Variants in CTNND2 observed in about 807,000 individuals in gnomAD.
The protein encoded by CTNND2 is catenin delta-2.
A neutral mutation model predicts 144.4 loss-of-function variants in CTNND2; 22 were observed. That is an observed-to-expected ratio of 0.15 (90% confidence interval 0.11 to 0.22). The LOEUF is 0.22. Ranked by LOEUF, CTNND2 falls within the 10% of genes least tolerant of loss-of-function variation. The pLI is 1.00. For missense variants in CTNND2, 1,353 were observed against 1,618.8 expected (o/e 0.84, Z 2.82); for synonymous variants, 751 against 695.6 (o/e 1.08, Z -1.25).
chr5:11,215,568 G>C (rs1220333115), intron 10 of CTNND2, among the ~76,000 whole-genome samples: 1 of 152,144 alleles, frequency 6.6e-6, no homozygotes, highest in Non-Finnish European at 1.5e-5. Context: ...AAATGAACTT[G>C]GGTTAAATAG....
At chr5:11,303,864 T>C (rs959418101) in intron 9 of CTNND2, among the ~76,000 whole-genome samples, 2 of 152,154 alleles carry the variant, frequency 1.3e-5, no homozygotes, top group Admixed American at 6.5e-5. Context: ...AATTCCCACA[T>C]GTTGTGGGAG....
At chr5:11,144,826 T>C (rs890234964) in intron 12 of CTNND2, among the ~76,000 whole-genome samples, 6 of 152,106 alleles carry the variant, frequency 3.9e-5, no homozygotes, top group African/African-American at 1.4e-4. Context: ...GAAATAGATG[T>C]GTGTAGGATG....
intron 15 of CTNND2, among the ~76,000 whole-genome samples, chr5:11,083,601 T>G (rs191628560): frequency 2.0e-5 from 3 of 152,336 alleles, no homozygotes; most frequent in African/African-American, 7.2e-5. Flanking sequence ...TCCCATTCAC[T>G]TAACAGAATG....
intron 6 of CTNND2, among the ~76,000 whole-genome samples, chr5:11,390,987 G>A (rs917321200): frequency 2.0e-5 from 3 of 152,132 alleles, no homozygotes; most frequent in African/African-American, 7.2e-5. Flanking sequence ...CAGGCCACAG[G>A]GCCAGGGCCA....
At chr5:11,307,231 C>T (rs867091932) in intron 9 of CTNND2, among the ~76,000 whole-genome samples, 1 of 152,028 alleles carries the variant, frequency 6.6e-6, no homozygotes, top group Non-Finnish European at 1.5e-5. Context: ...TTTCTCTGCT[C>T]CTGAATCAGT....
chr5:10,988,326 G>A lies in CTNND2; in HGVS notation c.3212-84C>T. 2 of 1,500,612 alleles carry A rather than the reference G, an allele frequency of 1.3e-6. No homozygotes were observed. The highest frequency in any genetic ancestry group is 1.4e-5 in the African/African-American group (1 of 72,174). The allele number at this position is 1,500,612 out of a possible 1,614,324, so 93.0% of individuals were successfully genotyped here. A position where few individuals can be genotyped will look rare whatever the true frequency, so the allele number is the denominator to read the frequency against. ...TCCACACAGTCAGGGTCCTCACTAT[G>A]CATGGTCCCGCATCTCAATGCCTAC... On this transcript the variant is annotated intron_variant, in intron 19 of 21. Transcript: ENST00000304623. The surrounding 1 kb of genome is among the most constrained non-coding windows in gnomAD (Gnocchi z 5.9).
At chr5:11,495,985 T>C (rs184072494) in intron 3 of CTNND2, among the ~76,000 whole-genome samples, 9 of 152,280 alleles carry the variant, frequency 5.9e-5, no homozygotes, top group Non-Finnish European at 1.2e-4. Flanking sequence ...GATGTTGTTA[T>C]AATTCTTCTC....
intron 7 of CTNND2, among the ~76,000 whole-genome samples, chr5:11,369,685 T>C (rs1267680007): frequency 1.3e-5 from 2 of 152,146 alleles, no homozygotes; most frequent in Non-Finnish European, 2.9e-5. Flanking sequence ...AAATAAGTTA[T>C]TACATGCAGG....
intron 9 of CTNND2, among the ~76,000 whole-genome samples, chr5:11,341,962 A>G (rs574181480): frequency 1.3e-5 from 2 of 152,208 alleles, no homozygotes; most frequent in Non-Finnish European, 2.9e-5. Flanking sequence ...ATGAGCTAGG[A>G]TCACACCACT....
intron 7 of CTNND2, among the ~76,000 whole-genome samples, chr5:11,378,275 C>A (rs1758132811): frequency 1.3e-5 from 2 of 152,110 alleles, no homozygotes; most frequent in African/African-American, 2.4e-5. Context: ...CTAAAGACAC[C>A]TGGGGCAGGC....
intron 3 of CTNND2, among the ~76,000 whole-genome samples, chr5:11,531,696 T>C (rs1206722693): frequency 6.6e-6 from 1 of 151,998 alleles, no homozygotes; most frequent in African/African-American, 2.4e-5. Flanking sequence ...TAGTAAATAT[T>C]AATTACTAAA....
At chr5:11,131,250 CA>C (rs1755564153) in intron 12 of CTNND2, among the ~76,000 whole-genome samples, 1 of 152,088 alleles carries the variant, frequency 6.6e-6, no homozygotes, top group African/African-American at 2.4e-5. Context: ...ATGCAATATT[CA>C]CTTCACCAAG....
chr5:11,819,611 TCCTC>T (rs1793204916), intron 1 of CTNND2, among the ~76,000 whole-genome samples: 1 of 152,164 alleles, frequency 6.6e-6, no homozygotes, highest in African/African-American at 2.4e-5. Context: ...GTCACTATTT[TCCTC>T]TCCTTTTGGG....
In CTNND2 at chr5:11,813,666, C is replaced by A. The variant is rs917706833; in HGVS notation, c.38-81394G>T. 2.6e-5 allele frequency among the ~76,000 whole-genome samples: 4 copies of A among 152,076 alleles called. No individual in the cohort carries two copies. The South Asian group carries it at 8.3e-4, about 32-fold the overall frequency. On this transcript the variant is annotated intron_variant, in intron 1 of 21. Coordinates refer to ENST00000304623, the MANE Select transcript of CTNND2 (RefSeq NM_001332.4). ...TTAAAACAAACACTTTTTTTATTAT[C>A]TATTTATGTATTTATTTAGAAATTT...
chr5:11,483,118 G>A (rs1042193847), intron 3 of CTNND2, among the ~76,000 whole-genome samples: 6 of 152,160 alleles, frequency 3.9e-5, no homozygotes, highest in African/African-American at 9.7e-5. Context: ...GGACAGTAGT[G>A]GTGGCAGCAG....
At chr5:11,519,433 T>C (rs1772512669) in intron 3 of CTNND2, among the ~76,000 whole-genome samples, 1 of 152,046 alleles carries the variant, frequency 6.6e-6, no homozygotes, top group African/African-American at 2.4e-5. Context: ...CTGACAGCCT[T>C]ATCTTTGAAG....
chr5:11,691,284 T>C (rs1166975930), intron 2 of CTNND2, among the ~76,000 whole-genome samples: 1 of 151,806 alleles, frequency 6.6e-6, no homozygotes, highest in Non-Finnish European at 1.5e-5. Context: ...GGCAGAAGAA[T>C]GGCGTGAACC....
At chr5:11,861,337 A>G (rs73743294) in intron 1 of CTNND2, among the ~76,000 whole-genome samples, 1,797 of 152,264 alleles carry the variant, frequency 0.012, 30 homozygotes, top group African/African-American at 0.042. Flanking sequence ...AAAACATAAC[A>G]AACATGATCT....
At chr5:11,357,853 A>C (rs1351176286) in intron 8 of CTNND2, among the ~76,000 whole-genome samples, 1 of 152,060 alleles carries the variant, frequency 6.6e-6, no homozygotes, top group African/African-American at 2.4e-5. Flanking sequence ...TAAATAAGTA[A>C]TTTTTTAAAA....
Sources: gnomAD v4.1 joint callset for allele counts (sites outside exome capture counted in the v4.1 genomes callset) on GRCh38, gnomAD v4.1.1 for gene constraint, Gnocchi (gnomAD v3.1) non-coding constraint, MANE v1.5 for transcripts, NCBI Gene and HGNC (gene_info 2026-07-23, HGNC 2026-07-21) for gene names.